FGGY: variants seen among roughly 807,000 people sequenced by gnomAD.
FGGY encodes FGGY carbohydrate kinase domain containing.
A neutral mutation model predicts 71.3 loss-of-function variants in FGGY; 72 were observed. The observed-to-expected ratio is 1.01, with a 90% CI of 0.84 to 1.23. The LOEUF is 1.23. FGGY is among the 50% of genes most tolerant of loss of function. The probability of loss-of-function intolerance (pLI) is 0.00; values close to 1 mark genes in which losing one functional copy is unlikely to be tolerated. For missense variants in FGGY, 668 were observed against 682.3 expected (o/e 0.98, Z 0.23); for synonymous variants, 251 against 250.3 (o/e 1.00, Z -0.02).
intron 7 of FGGY, among the ~76,000 whole-genome samples, chr1:59,539,746 A>G (rs2095410796): frequency 1.3e-5 from 2 of 152,224 alleles, no homozygotes; most frequent in African/African-American, 4.8e-5. Flanking sequence ...GGATTGGTAA[A>G]TAAGACTATG....
rs1434275189 is a variant in FGGY at position 59,459,580 on chromosome 1, A to G, written c.670+2504A>G. 2.6e-5 allele frequency among the ~76,000 whole-genome samples: 4 copies of G among 152,224 alleles called. No individual in the cohort carries two copies. The East Asian group carries it at 7.7e-4, about 29-fold the overall frequency. ...CCTACTGACAAAATGATCTGTGTTC[A>G]ATGAAATGATCCAACAAACTGATCT... On this transcript the variant is annotated intron_variant, in intron 6 of 15. Transcript: ENST00000303721.
chr1:59,609,102 G>A (rs913971520), intron 9 of FGGY, among the ~76,000 whole-genome samples: 2 of 152,176 alleles, frequency 1.3e-5, no homozygotes, highest in African/African-American at 4.8e-5. Flanking sequence ...GTAAAGAAGG[G>A]TACAGATAGT....
intron 8 of FGGY, among the ~76,000 whole-genome samples, chr1:59,582,259 C>G (rs2096208629): frequency 6.7e-6 from 1 of 149,734 alleles, no homozygotes; most frequent in African/African-American, 2.5e-5. Context: ...AAAAAAACCC[C>G]CAGAAATCAT....
At chr1:59,499,977 A>G (rs888970948) in intron 6 of FGGY, among the ~76,000 whole-genome samples, 1 of 152,172 alleles carries the variant, frequency 6.6e-6, no homozygotes, top group Admixed American at 6.5e-5. Flanking sequence ...AAGGATTTCA[A>G]ACACAAAGAC....
chr1:59,616,267 A>G (rs1306782022), intron 9 of FGGY, among the ~76,000 whole-genome samples: 1 of 152,258 alleles, frequency 6.6e-6, no homozygotes, highest in Non-Finnish European at 1.5e-5. Context: ...TGGATTAAGA[A>G]AATGTGGCAC....
At chr1:59,586,780 A>G (rs1479818367) in intron 8 of FGGY, among the ~76,000 whole-genome samples, 1 of 152,046 alleles carries the variant, frequency 6.6e-6, no homozygotes, top group African/African-American at 2.4e-5. Context: ...ACATTGAAGG[A>G]CTTCTTAGAG....
intron 8 of FGGY, among the ~76,000 whole-genome samples, chr1:59,576,502 G>GC (rs1164501436): frequency 6.6e-6 from 1 of 152,052 alleles, no homozygotes; most frequent in Non-Finnish European, 1.5e-5. Flanking sequence ...AACCACCATG[G>GC]CACATGTATA....
intron 7 of FGGY, among the ~76,000 whole-genome samples, chr1:59,546,535 G>GATGATTATT (rs1399823769): frequency 3.9e-5 from 5 of 129,350 alleles, no homozygotes; most frequent in African/African-American, 1.6e-4. Flanking sequence ...TGATGATGAT[G>GATGATTATT]ATTATTATTA....
At chr1:59,472,563 C>A (rs914312267) in intron 6 of FGGY, among the ~76,000 whole-genome samples, 4 of 152,284 alleles carry the variant, frequency 2.6e-5, no homozygotes, top group African/African-American at 9.6e-5. Flanking sequence ...CTGGTGGGGA[C>A]ATGGAGAACC....
At chr1:59,473,285 T>C (rs2093076193) in intron 6 of FGGY, among the ~76,000 whole-genome samples, 1 of 148,056 alleles carries the variant, frequency 6.8e-6, no homozygotes. Context: ...GCTTAAGAGC[T>C]GTAACACTCA....
intron 11 of FGGY, among the ~76,000 whole-genome samples, chr1:59,653,695 G>T (rs950167480): frequency 6.6e-6 from 1 of 152,242 alleles, no homozygotes; most frequent in Non-Finnish European, 1.5e-5. Context: ...AGATGGAAAT[G>T]CGGAAATCAC....
intron 11 of FGGY, among the ~76,000 whole-genome samples, chr1:59,639,554 C>G (rs2096998078): frequency 6.6e-6 from 1 of 152,184 alleles, no homozygotes; most frequent in African/African-American, 2.4e-5. Context: ...GTCATACTTT[C>G]AGATAACCAA....
intron 7 of FGGY, among the ~76,000 whole-genome samples, chr1:59,528,293 A>T (rs544872176): frequency 6.2e-4 from 94 of 152,294 alleles, no homozygotes; most frequent in African/African-American, 2.3e-3. Context: ...CTACCTGTTT[A>T]CCTAGATGCC....
chr1:59,438,457 G>A (rs1167767812), intron 5 of FGGY, among the ~76,000 whole-genome samples: 1 of 152,178 alleles, frequency 6.6e-6, no homozygotes, highest in Admixed American at 6.5e-5. Flanking sequence ...TTTTTAAAAT[G>A]GCTAATGTTG....
intron 14 of FGGY, chr1:59,698,681 A>G: frequency 1.1e-6 from 1 of 891,942 alleles, no homozygotes; most frequent in Non-Finnish European, 1.3e-6. Context: ...CTTTTGATAA[A>G]CAGGACAGCT....
chr1:59,680,102 AT>A (rs1265212913), intron 14 of FGGY, among the ~76,000 whole-genome samples: 1 of 152,084 alleles, frequency 6.6e-6, no homozygotes, highest in Non-Finnish European at 1.5e-5. Context: ...CTTGCCATGG[AT>A]TTTAGTTCCA....
intron 14 of FGGY, among the ~76,000 whole-genome samples, chr1:59,708,512 G>A (rs1230361838): frequency 1.3e-5 from 2 of 152,168 alleles, no homozygotes; most frequent in Non-Finnish European, 2.9e-5. Context: ...TCTCTAAGGT[G>A]CAGGTGAGAA....
intron 8 of FGGY, among the ~76,000 whole-genome samples, chr1:59,577,883 G>A (rs749740887): frequency 1.3e-5 from 2 of 152,092 alleles, no homozygotes; most frequent in Non-Finnish European, 2.9e-5. Context: ...AGCCAGCGCT[G>A]TCCACCTGCA....
intron 14 of FGGY, chr1:59,733,333 G>A (rs1016477257): frequency 1.3e-5 from 2 of 153,876 alleles, no homozygotes; most frequent in Non-Finnish European, 2.9e-5. Context: ...CACTACCCTC[G>A]GGAAACTGGG....
Sources: allele counts gnomAD v4.1 joint callset (sites outside exome capture counted in the v4.1 genomes callset), GRCh38; gene constraint gnomAD v4.1.1; transcripts MANE v1.5; gene names NCBI Gene and HGNC (gene_info 2026-07-23, HGNC 2026-07-21).